Variants in PDE12 observed in about 807,000 individuals in gnomAD.
PDE12 encodes the protein phosphodiesterase 12.
In PDE12, 26 loss-of-function variants were observed where a neutral mutation model predicts 45.4. The observed-to-expected ratio is 0.57, with a 90% CI of 0.42 to 0.79. The LOEUF is 0.79. Among genes scored for constraint, PDE12 ranks in the 30% least tolerant of loss-of-function variants. PDE12 has a pLI of 0.00. For missense variants in PDE12, 668 were observed against 790.0 expected, an observed-to-expected ratio of 0.85 and a Z score of 1.85; for synonymous variants, 283 against 323.9, an observed-to-expected ratio of 0.87 and a Z score of 1.36.
At chr3:57,559,017 G>A (rs957633732) in intron 1 of PDE12, among the ~76,000 whole-genome samples, 44 of 151,224 alleles carry the variant, frequency 2.9e-4, no homozygotes, top group African/African-American at 1.0e-3. Context: ...TCAGGAAATC[G>A]AGACCATCCT....
chr3:57,626,252 C>T, the PDE12 span: 3 of 152,592 alleles, frequency 2.0e-5, no homozygotes, highest in Admixed American at 2.0e-4. Context: ...CGCAAGGAGT[C>T]TTTCTTGGGT....
chr3:57,645,828 T>G, the PDE12 span: 1 of 1,126,744 alleles, frequency 8.9e-7, no homozygotes, highest in Non-Finnish European at 1.3e-6. Context: ...CTAGAAAACA[T>G]CTATACAAAC....
At chr3:57,655,506 T>C in the PDE12 span, among the ~76,000 whole-genome samples, 125,539 of 152,192 alleles carry the variant, frequency 0.82, 52,076 homozygotes, top group East Asian at 1. Context: ...TGTTCCCAAA[T>C]CCAAAAGGTT....
At position 57,560,641 on chromosome 3, in the gene PDE12, A is replaced by G. The variant is rs1250208927; in HGVS notation, c.*637A>G. On this transcript the variant is annotated 3_prime_UTR_variant, in exon 3 of 3. Transcript: ENST00000311180. ...GCACCCGGCCCTTGTGTACATTTTT[A>G]TAAGAGAATTTTTTTAGCTAGGAGT... 1 of 985,296 alleles carries G rather than the reference A, an allele frequency of 1.0e-6. No individual in the cohort carries two copies. Among genetic ancestry groups the G allele is most frequent in the East Asian group, 1.1e-4 (1 of 8,820 alleles). The allele number at this position is 985,296 out of a possible 1,614,324, so 61.0% of individuals were successfully genotyped here.
At chr3:57,618,362 T>A in the PDE12 span, among the ~76,000 whole-genome samples, 1 of 152,174 alleles carries the variant, frequency 6.6e-6, no homozygotes, top group African/African-American at 2.4e-5. Context: ...TTTAAAAGGC[T>A]ATACAGTCAT....
At chr3:57,579,118 T>A in the PDE12 span, among the ~76,000 whole-genome samples, 2 of 151,408 alleles carry the variant, frequency 1.3e-5, no homozygotes, top group Non-Finnish European at 2.9e-5. Context: ...TGAAACCCCA[T>A]CTCTACTAAA....
the PDE12 span, among the ~76,000 whole-genome samples, chr3:57,633,903 A>G: frequency 6.6e-6 from 1 of 152,004 alleles, no homozygotes; most frequent in African/African-American, 2.4e-5. Context: ...AAAAAAAAAA[A>G]GTGAGTTCAC....
In PDE12 at chr3:57,556,883, G is replaced by A; in HGVS notation, c.504G>A (p.Gln168=). The change falls in exon 1 of 3, where the codon CAG becomes CAA. Residue 168 remains glutamine, a synonymous_variant. Coordinates refer to ENST00000311180, the MANE Select transcript of PDE12 (RefSeq NM_177966.7). The surrounding 1 kb of genome is among the most constrained non-coding windows in gnomAD (Gnocchi z 5.0). Reference sequence around the variant, plus strand: ...ACCCGCCCGCCTTCACCGAACTGCAGTTGCCGCGCTACATCATGGCCGGGT... The same window carrying A: ...ACCCGCCCGCCTTCACCGAACTGCAATTGCCGCGCTACATCATGGCCGGGT... ...ERNPPAFTEL[Q]LPRYIMAGFP... The A allele has an allele frequency of 6.2e-7, 1 of 1,614,186 alleles. No individual in the cohort carries two copies.
At chr3:57,581,898 T>C in the PDE12 span, among the ~76,000 whole-genome samples, 1 of 152,360 alleles carries the variant, frequency 6.6e-6, no homozygotes, top group South Asian at 2.1e-4. Context: ...AATACATACA[T>C]GTGAGTTTAT....
Position 57,563,029 on chromosome 3 carries a change from TC to T in PDE12, c.*3026del, listed in dbSNP as rs2069743038. ...ACGATGGAAATTGACATCTTTTGTA[TC>T]TCATTCTCCAGCCGTGAAATAAAGG... On this transcript the variant is annotated 3_prime_UTR_variant, in exon 3 of 3. Transcript: ENST00000311180. 1 of 152,236 alleles carries T rather than the reference TC, an allele frequency of 6.6e-6. No homozygotes were observed. Among genetic ancestry groups the T allele is most frequent in the Admixed American group, 6.5e-5 (1 of 15,280 alleles). The allele number at this position is 152,236 out of a possible 1,614,324, so 9.4% of individuals were successfully genotyped here.
the PDE12 span, among the ~76,000 whole-genome samples, chr3:57,640,296 A>C: frequency 6.6e-6 from 1 of 150,544 alleles, no homozygotes; most frequent in Non-Finnish European, 1.5e-5. Flanking sequence ...AAAAACAAAA[A>C]ACAAAAAAGG....
At chr3:57,649,922 T>TAC in the PDE12 span, among the ~76,000 whole-genome samples, 7,065 of 148,484 alleles carry the variant, frequency 0.048, 511 homozygotes, top group African/African-American at 0.16. Flanking sequence ...TGTATATATA[T>TAC]ACACACACAC....
At chr3:57,631,837 C>G in the PDE12 span, among the ~76,000 whole-genome samples, 1 of 149,228 alleles carries the variant, frequency 6.7e-6, no homozygotes, top group Non-Finnish European at 1.5e-5. Context: ...ATTCTCCTGC[C>G]TCAGCCTCCC....
At chr3:57,586,281 G>C in the PDE12 span, among the ~76,000 whole-genome samples, 1 of 148,598 alleles carries the variant, frequency 6.7e-6, no homozygotes, top group East Asian at 1.9e-4. Flanking sequence ...TTTAAGCAAG[G>C]ACACTTTCTT....
the PDE12 span, among the ~76,000 whole-genome samples, chr3:57,611,468 T>G: frequency 9.9e-5 from 15 of 152,084 alleles, no homozygotes; most frequent in African/African-American, 3.4e-4. Context: ...GGGAGAAAAT[T>G]TTTGCAATCT....
At chr3:57,655,595 AT>A in the PDE12 span, among the ~76,000 whole-genome samples, 16 of 152,342 alleles carry the variant, frequency 1.1e-4, no homozygotes, top group Admixed American at 9.2e-4. Flanking sequence ...TGCAATCAAA[AT>A]TTAGTTGCAT....
chr3:57,617,023 C>T, the PDE12 span, among the ~76,000 whole-genome samples: 2 of 143,864 alleles, frequency 1.4e-5, no homozygotes, highest in Non-Finnish European at 3.1e-5. Context: ...GACTCCATCT[C>T]AAAACAAAAC....
chr3:57,628,920 C>A, the PDE12 span: 2 of 1,575,186 alleles, frequency 1.3e-6, no homozygotes, highest in South Asian at 2.3e-5. Context: ...AGTAAGTTCT[C>A]AAAATAATAT....
the PDE12 span, among the ~76,000 whole-genome samples, chr3:57,579,726 C>A: frequency 1.3e-5 from 2 of 152,168 alleles, no homozygotes; most frequent in African/African-American, 4.8e-5. Context: ...TCCTTTATCT[C>A]TGTTGGAAAC....
Sources: gnomAD v4.1 joint callset for allele counts (sites outside exome capture counted in the v4.1 genomes callset) on GRCh38, gnomAD v4.1.1 for gene constraint, Gnocchi (gnomAD v3.1) non-coding constraint, MANE v1.5 for transcripts, NCBI Gene and HGNC (gene_info 2026-07-23, HGNC 2026-07-21) for gene names.